WNK2: variants seen among roughly 807,000 people sequenced by gnomAD.
The protein encoded by WNK2 is serine/threonine-protein kinase WNK2.
WNK2 carries 67 observed loss-of-function variants against 192.1 expected under a neutral mutation model. That is an observed-to-expected ratio of 0.35 (90% CI 0.29 to 0.43). The LOEUF is 0.43. Ranked by LOEUF, WNK2 falls within the 20% of genes least tolerant of loss-of-function variation. The pLI, the probability that WNK2 is intolerant of heterozygous loss-of-function variation, is 1.00. For synonymous variants in WNK2, 1,439 were observed against 1,393.9 expected (o/e 1.03, Z -0.72); for missense variants, 2,698 against 3,089.7 (o/e 0.87, Z 3.01).
Position 93,229,902 on chromosome 9 carries a change from C to A in WNK2, c.854+34C>A. 2 of 1,604,158 alleles carry A rather than the reference C, an allele frequency of 1.2e-6. No homozygotes were observed. The highest frequency in any genetic ancestry group is 1.7e-6 in the Non-Finnish European group (2 of 1,174,514). The stretch of plus-strand genomic sequence containing the variant: ...CGCTTCCTGAGGGCTGGGGCGGGTC[C>A]TGGCATGGGTGCAGGGCTACCATAG... On this transcript the variant is annotated intron_variant, in intron 3 of 29. Transcript: ENST00000427277. The surrounding 1 kb of genome is among the most constrained non-coding windows in gnomAD (Gnocchi z 4.9).
chr9:93,306,680 T>TGCACA (rs933288685), intron 26 of WNK2, 97 bp from the exon 27 acceptor site: 20 of 1,492,784 alleles, frequency 1.3e-5, no homozygotes, highest in Non-Finnish European at 1.7e-5. Flanking sequence ...TGCCCCTCCC[T>TGCACA]GCACACTGAC....
intron 11 of WNK2, 98 bp from the exon 12 acceptor site, chr9:93,258,833 C>G (rs1843719691): frequency 9.3e-7 from 1 of 1,073,696 alleles, no homozygotes; most frequent in Non-Finnish European, 1.4e-6. Flanking sequence ...ATCCCGTGTC[C>G]CCTCGTCCCC....
At chr9:93,314,681 T>G (rs1854296268) in intron 28 of WNK2, among the ~76,000 whole-genome samples, 1 of 152,118 alleles carries the variant, frequency 6.6e-6, no homozygotes, top group South Asian at 2.1e-4. Context: ...TGGAGTCTTT[T>G]TTACATTATT....
chr9:93,320,119 CAG>C (rs1855290614), intron 29 of WNK2, among the ~76,000 whole-genome samples: 1 of 152,224 alleles, frequency 6.6e-6, no homozygotes. Context: ...GGTACAGGAG[CAG>C]AGCGTCTGTT....
intron 2 of WNK2, among the ~76,000 whole-genome samples, chr9:93,214,761 G>T (rs1371257972): frequency 7.5e-6 from 1 of 133,768 alleles, no homozygotes; most frequent in Non-Finnish European, 1.5e-5. Context: ...TGATTTTTAG[G>T]AGTTTTATAC....
chr9:93,318,931 G>A, intron 29 of WNK2: 2 of 1,420,190 alleles, frequency 1.4e-6, no homozygotes, highest in Non-Finnish European at 1.8e-6. Context: ...TTAGAACTGG[G>A]TAAATTATTT....
intron 2 of WNK2, among the ~76,000 whole-genome samples, chr9:93,207,720 C>T (rs1027784901): frequency 2.0e-5 from 3 of 152,252 alleles, no homozygotes; most frequent in Non-Finnish European, 4.4e-5. Flanking sequence ...AGTCACGGGC[C>T]AGGATTGCAG....
At chr9:93,240,501 T>A (rs1032552112) in intron 7 of WNK2, among the ~76,000 whole-genome samples, 2 of 152,058 alleles carry the variant, frequency 1.3e-5, no homozygotes, top group Non-Finnish European at 2.9e-5. Context: ...TTCAGCTCTG[T>A]GGATGAGGAG....
intron 11 of WNK2, 67 bp from the exon 12 acceptor site, chr9:93,258,864 C>T (rs1192506304): frequency 7.0e-7 from 1 of 1,422,718 alleles, no homozygotes; most frequent in African/African-American, 1.4e-5. Context: ...GCTGTCCTTG[C>T]ATGCAAGTGC....
chr9:93,299,029 G>T, intron 24 of WNK2, 41 bp from the exon 25 acceptor site: 1 of 1,580,896 alleles, frequency 6.3e-7, no homozygotes. Flanking sequence ...CCGACCCGGC[G>T]GCGCCTCATC....
intron 23 of WNK2, among the ~76,000 whole-genome samples, chr9:93,294,365 G>C (rs1849898557): frequency 6.6e-6 from 1 of 152,246 alleles, no homozygotes. Flanking sequence ...TGGTCTTAGA[G>C]GCCTCCAGGA....
chr9:93,256,556 T>C (rs2132761810), intron 10 of WNK2, 102 bp downstream of exon 10: 2 of 1,337,950 alleles, frequency 1.5e-6, no homozygotes, highest in Non-Finnish European at 2.0e-6. Context: ...GACCCTTCGC[T>C]CAAATTCTCT....
At chr9:93,235,558 C>T (rs948456195) in intron 5 of WNK2, among the ~76,000 whole-genome samples, 3 of 152,236 alleles carry the variant, frequency 2.0e-5, no homozygotes, top group African/African-American at 7.2e-5. Flanking sequence ...GTCTTGTCCT[C>T]CCTCTGTGGT....
chr9:93,274,956 C>T (rs1846569622), intron 19 of WNK2, among the ~76,000 whole-genome samples: 1 of 152,170 alleles, frequency 6.6e-6, no homozygotes, highest in Non-Finnish European at 1.5e-5. Context: ...ATTTTAGGAC[C>T]AGCCAAAGAC....
chr9:93,274,914 C>G (rs573891398), intron 19 of WNK2, among the ~76,000 whole-genome samples: 1 of 152,268 alleles, frequency 6.6e-6, no homozygotes, highest in African/African-American at 2.4e-5. Context: ...AGAACACTTC[C>G]CAAATCATTT....
At chr9:93,194,970 A>G (rs74670437) in intron 2 of WNK2, among the ~76,000 whole-genome samples, 3,618 of 152,112 alleles carry the variant, frequency 0.024, 133 homozygotes, top group African/African-American at 0.081. Flanking sequence ...TGCATATTGT[A>G]TGATTCCAAC....
At chr9:93,208,720 CTT>C (rs977184421) in intron 2 of WNK2, among the ~76,000 whole-genome samples, 14 of 1,116 alleles carry the variant, frequency 0.013, no homozygotes, top group African/African-American at 0.04. Context: ...TGTGTATGCT[CTT>C]CGTGCGTGTT....
chr9:93,219,786 C>T (rs552453766), intron 2 of WNK2, among the ~76,000 whole-genome samples: 3 of 152,382 alleles, frequency 2.0e-5, no homozygotes, highest in South Asian at 2.1e-4. Context: ...TGCCCAGCTC[C>T]ACCTGTTGCC....
At position 93,226,716 on chromosome 9, in the gene WNK2, G is replaced by T. The variant is rs1205945906; in HGVS notation, c.682-2980G>T. ...TCCAGGGTTTCACATGAAGATGGGG[G>T]TCCTACCAGACATATTCTTTTGTTT... is the stretch of plus-strand genomic sequence containing the variant. On this transcript the variant is annotated intron_variant, in intron 2 of 29. Transcript: ENST00000427277. 2.6e-5 allele frequency among the ~76,000 whole-genome samples: 4 copies of T among 152,168 alleles called. No individual in the cohort carries two copies. In the East Asian group the frequency reaches 7.7e-4, roughly 29 times the overall value.
Sources: allele counts gnomAD v4.1 joint callset (sites outside exome capture counted in the v4.1 genomes callset), GRCh38; gene constraint gnomAD v4.1.1; non-coding constraint Gnocchi (gnomAD v3.1); transcripts MANE v1.5; gene names NCBI Gene and HGNC (gene_info 2026-07-23, HGNC 2026-07-21).